The following VRK2 variants were observed in gnomAD, a reference collection of about 807,000 sequenced individuals.
The protein encoded by VRK2 is VRK serine/threonine kinase 2.
A neutral mutation model predicts 57.6 loss-of-function variants in VRK2; 60 were observed. The ratio of observed to expected loss-of-function variants is 1.04; its 90% confidence interval spans 0.85 to 1.29. The LOEUF (loss-of-function observed/expected upper bound fraction) is 1.29. Ranked by LOEUF, VRK2 falls within the 50% of genes most tolerant of loss-of-function variation. The probability of loss-of-function intolerance (pLI) is 0.00; values close to 1 mark genes in which losing one functional copy is unlikely to be tolerated. For synonymous variants in VRK2, 231 were observed against 199.2 expected (o/e 1.16, Z -1.35); for missense variants, 705 against 588.1 (o/e 1.20, Z -2.06).
chr2:57,951,540 C>T (rs1157110245), intron 1 of VRK2, among the ~76,000 whole-genome samples: 1 of 152,118 alleles, frequency 6.6e-6, no homozygotes, highest in Non-Finnish European at 1.5e-5. Flanking sequence ...TATCAAACTG[C>T]TTCACAAGAC....
intron 1 of VRK2, among the ~76,000 whole-genome samples, chr2:57,951,924 C>CT (rs77314112): frequency 0.15 from 19,791 of 128,690 alleles, 1,844 homozygotes; most frequent in African/African-American, 0.24. Context: ...TTTTTCCTTC[C>CT]TTTTTTTTTT....
At chr2:57,957,191 G>A (rs1671613104) in intron 1 of VRK2, among the ~76,000 whole-genome samples, 2 of 151,940 alleles carry the variant, frequency 1.3e-5, no homozygotes, top group Non-Finnish European at 2.9e-5. Flanking sequence ...CTATTCAGGA[G>A]GCCTATATAT....
intron 2 of VRK2, among the ~76,000 whole-genome samples, chr2:58,025,942 G>T (rs142985183): frequency 6.6e-6 from 1 of 152,162 alleles, no homozygotes; most frequent in African/African-American, 2.4e-5. Context: ...GGTGTACAAA[G>T]CTATTCATCA....
intron 11 of VRK2, among the ~76,000 whole-genome samples, chr2:58,141,487 T>A (rs1403262608): frequency 2.6e-5 from 4 of 151,954 alleles, no homozygotes; most frequent in Admixed American, 2.6e-4. Context: ...TTATTTTGAT[T>A]ATGAGTAAAA....
intron 2 of VRK2, among the ~76,000 whole-genome samples, chr2:58,056,049 T>C (rs1676469622): frequency 6.6e-6 from 1 of 152,130 alleles, no homozygotes; most frequent in Admixed American, 6.6e-5. Context: ...AAACATCATA[T>C]TTCCTTCTGA....
chr2:58,108,349 ACT>A (rs1403162825), intron 7 of VRK2, among the ~76,000 whole-genome samples: 2 of 151,306 alleles, frequency 1.3e-5, no homozygotes, highest in South Asian at 2.1e-4. Flanking sequence ...TCCTAAATGG[ACT>A]CTCTGCATCC....
intron 12 of VRK2, among the ~76,000 whole-genome samples, chr2:58,149,192 A>C (rs545204658): frequency 6.6e-6 from 1 of 151,748 alleles, no homozygotes; most frequent in African/African-American, 2.4e-5. Flanking sequence ...AACTTCTCTC[A>C]ACAGTGTTTT....
At chr2:58,056,519 A>G (rs534028289) in intron 2 of VRK2, among the ~76,000 whole-genome samples, 6 of 152,296 alleles carry the variant, frequency 3.9e-5, no homozygotes, top group African/African-American at 7.2e-5. Context: ...AACAAAGGCA[A>G]TGAATTCTCA....
Position 58,159,542 on chromosome 2 carries a change from CG to C in VRK2, c.1380del (p.Ile461SerfsTer4), listed in dbSNP as rs1684737314. 4 of 1,613,748 alleles carry C rather than the reference CG, an allele frequency of 2.5e-6. No individual in the cohort carries two copies. Among genetic ancestry groups the C allele is most frequent in the Non-Finnish European group, 3.4e-6 (4 of 1,179,776 alleles). On this transcript the variant is annotated frameshift_variant, in exon 13 of 13. Transcript: ENST00000340157. LOFTEE classifies it low-confidence loss of function (END_TRUNC). ...SWYKYTSTVS[T>X]GITDLESSTG... Reference sequence around the variant, plus strand: ...TATAAATACACTTCCACAGTCAGCACGGGGATCACAGACTTAGAAAGTTCAA... The same window carrying C: ...TATAAATACACTTCCACAGTCAGCACGGGATCACAGACTTAGAAAGTTCAA...
intron 12 of VRK2, among the ~76,000 whole-genome samples, chr2:58,151,003 C>T (rs946332843): frequency 4.6e-5 from 7 of 151,554 alleles, no homozygotes; most frequent in African/African-American, 1.4e-4. Flanking sequence ...TGTATTATTG[C>T]AATCTTTTAA....
intron 9 of VRK2, among the ~76,000 whole-genome samples, chr2:58,133,010 G>A (rs994109904): frequency 6.6e-6 from 1 of 152,064 alleles, no homozygotes; most frequent in South Asian, 2.1e-4. Context: ...ACACAGTGAT[G>A]TATAAACAGT....
intron 7 of VRK2, among the ~76,000 whole-genome samples, chr2:58,105,173 C>G (rs1674556487): frequency 6.6e-6 from 1 of 151,560 alleles, no homozygotes; most frequent in South Asian, 2.1e-4. Flanking sequence ...AGACTAAGAC[C>G]TGAAAAGCTT....
chr2:58,015,719 A>AT (rs941407409), intron 1 of VRK2, among the ~76,000 whole-genome samples: 12 of 151,596 alleles, frequency 7.9e-5, no homozygotes, highest in African/African-American at 1.2e-4. Flanking sequence ...TTTGACAAGA[A>AT]TTTTTTTTTG....
rs1013881918 is a variant in VRK2, at chr2:57,979,065, T to C, written c.-438-46600T>C. Among the ~76,000 whole-genome samples, 19 of 151,260 alleles carry C rather than the reference T, an allele frequency of 1.3e-4. 1 individual carries two copies. Among genetic ancestry groups the C allele is most frequent in the African/African-American group, 4.4e-4 (18 of 40,546 alleles). On this transcript the variant is annotated intron_variant, in intron 1 of 15. Transcript: ENST00000417641. ...CATGTTTTCTTTATCCAGTCTATCATTGATGGGCATTTGGGTTGGTTCCAT... is the reference window on the plus strand; with the variant it reads ...CATGTTTTCTTTATCCAGTCTATCACTGATGGGCATTTGGGTTGGTTCCAT...
At chr2:58,059,393 G>C (rs2103876891) in intron 2 of VRK2, among the ~76,000 whole-genome samples, 1 of 151,984 alleles carries the variant, frequency 6.6e-6, no homozygotes, top group Admixed American at 6.6e-5. Flanking sequence ...TTAAATCTCT[G>C]TGATATGATT....
At chr2:58,049,001 A>T (rs1426880905) in intron 2 of VRK2, 34 bp downstream of exon 2, 1 of 1,603,506 alleles carries the variant, frequency 6.2e-7, no homozygotes, top group Middle Eastern at 1.7e-4. Context: ...AATTATTCTT[A>T]TATCTGTGAC....
upstream of VRK2, among the ~76,000 whole-genome samples, chr2:58,045,183 G>C (rs925620844): frequency 6.6e-6 from 1 of 152,248 alleles, no homozygotes; most frequent in Non-Finnish European, 1.5e-5. Context: ...AGGGATAAGA[G>C]GGTATAAAAC....
At chr2:57,914,527 T>C (rs1572853412) in intron 1 of VRK2, among the ~76,000 whole-genome samples, 1 of 152,094 alleles carries the variant, frequency 6.6e-6, no homozygotes, top group Non-Finnish European at 1.5e-5. Flanking sequence ...ATGAGTCTTT[T>C]GTAAAGGTAT....
At chr2:58,002,144 G>T (rs776595831) in intron 1 of VRK2, among the ~76,000 whole-genome samples, 2 of 152,104 alleles carry the variant, frequency 1.3e-5, no homozygotes, top group Admixed American at 6.6e-5. Flanking sequence ...GCTCTTTGTT[G>T]TATATAATTC....
Sources: allele counts gnomAD v4.1 joint callset (sites outside exome capture counted in the v4.1 genomes callset), GRCh38; gene constraint gnomAD v4.1.1; transcripts MANE v1.5; gene names NCBI Gene and HGNC (gene_info 2026-07-23, HGNC 2026-07-21).